Variants in AKAP19 observed in about 807,000 individuals in gnomAD.
AKAP19 encodes the protein A-kinase anchoring protein 19.
At chr2:189,975,921 G>T in the AKAP19 span, among the ~76,000 whole-genome samples, 1 of 152,036 alleles carries the variant, frequency 6.6e-6, no homozygotes, top group Non-Finnish European at 1.5e-5. Context: ...CTTTGTGTTG[G>T]GTTCAGACTT....
the AKAP19 span, among the ~76,000 whole-genome samples, chr2:189,957,381 G>T: frequency 6.6e-6 from 1 of 152,062 alleles, no homozygotes; most frequent in African/African-American, 2.4e-5. Context: ...TTGCAGATGT[G>T]TGCTTTGCAA....
the AKAP19 span, among the ~76,000 whole-genome samples, chr2:190,183,939 A>AT: frequency 2.0e-5 from 3 of 151,974 alleles, no homozygotes; most frequent in Non-Finnish European, 2.9e-5. Context: ...AGAATACGCT[A>AT]TCTATCCTTG....
the AKAP19 span, among the ~76,000 whole-genome samples, chr2:190,036,119 TAATA>T: frequency 4.8e-4 from 73 of 152,332 alleles, no homozygotes; most frequent in African/African-American, 1.7e-3. Flanking sequence ...TTTAAGTTAC[TAATA>T]AATCTTTGAT....
At chr2:190,057,256 T>G in the AKAP19 span, 2 of 1,613,066 alleles carry the variant, frequency 1.2e-6, no homozygotes, top group Non-Finnish European at 1.7e-6. Context: ...TTAATATAAA[T>G]CTCATGAGCA....
At chr2:190,031,299 C>T in the AKAP19 span, among the ~76,000 whole-genome samples, 36 of 152,236 alleles carry the variant, frequency 2.4e-4, no homozygotes, top group African/African-American at 8.7e-4. Context: ...TAAGCTAAAG[C>T]CTGATTGTGT....
chr2:189,926,127 A>G, the AKAP19 span, among the ~76,000 whole-genome samples: 1 of 152,214 alleles, frequency 6.6e-6, no homozygotes, highest in Non-Finnish European at 1.5e-5. Flanking sequence ...TTGATCACAT[A>G]TAAGCAAGAG....
chr2:190,102,859 C>G, the AKAP19 span, among the ~76,000 whole-genome samples: 1 of 152,092 alleles, frequency 6.6e-6, no homozygotes, highest in Non-Finnish European at 1.5e-5. Flanking sequence ...CAACATCACC[C>G]TGAAACCAAA....
At chr2:189,996,982 G>T in the AKAP19 span, among the ~76,000 whole-genome samples, 1 of 152,202 alleles carries the variant, frequency 6.6e-6, no homozygotes, top group South Asian at 2.1e-4. Context: ...ACCTGCACCT[G>T]CTCTGGTGGA....
the AKAP19 span, among the ~76,000 whole-genome samples, chr2:189,895,807 A>G: frequency 6.6e-6 from 1 of 152,054 alleles, no homozygotes; most frequent in Non-Finnish European, 1.5e-5. Flanking sequence ...GCTTAAGATG[A>G]ATCAGAATGA....
chr2:190,104,531 T>C, the AKAP19 span, among the ~76,000 whole-genome samples: 1 of 152,116 alleles, frequency 6.6e-6, no homozygotes, highest in South Asian at 2.1e-4. Flanking sequence ...TGTGTCACAT[T>C]TGTAATCCTA....
At chr2:190,098,690 G>GACTTCTCC in the AKAP19 span, among the ~76,000 whole-genome samples, 1 of 152,178 alleles carries the variant, frequency 6.6e-6, no homozygotes, top group African/African-American at 2.4e-5. Flanking sequence ...GCCAGGCATC[G>GACTTCTCC]ACTTCTCCTC....
chr2:190,199,761 A>G, the AKAP19 span: 7 of 1,534,800 alleles, frequency 4.6e-6, no homozygotes, highest in South Asian at 7.8e-5. Flanking sequence ...TGGAGAGGGA[A>G]AGCACTGGTC....
At chr2:190,184,670 C>T in the AKAP19 span, among the ~76,000 whole-genome samples, 3 of 152,046 alleles carry the variant, frequency 2.0e-5, no homozygotes, top group African/African-American at 7.2e-5. Flanking sequence ...CTTCCCCTAT[C>T]CTCAAAGATA....
the AKAP19 span, among the ~76,000 whole-genome samples, chr2:190,118,972 T>C: frequency 1.2e-3 from 183 of 152,326 alleles, 1 homozygote; most frequent in African/African-American, 4.3e-3. Context: ...GAAAACTCCA[T>C]TGTCTCAGCC....
chr2:190,011,037 A>G, the AKAP19 span, among the ~76,000 whole-genome samples: 2 of 133,260 alleles, frequency 1.5e-5, no homozygotes, highest in Non-Finnish European at 3.1e-5. Flanking sequence ...CCATTCTCTC[A>G]TTCTCTCTCT....
At chr2:189,932,697 C>T in the AKAP19 span, among the ~76,000 whole-genome samples, 4 of 142,798 alleles carry the variant, frequency 2.8e-5, no homozygotes, top group African/African-American at 1.2e-4. Flanking sequence ...CAGAGTGATA[C>T]CCTCTCTTTC....
At chr2:190,143,145 C>G in the AKAP19 span, among the ~76,000 whole-genome samples, 108 of 152,166 alleles carry the variant, frequency 7.1e-4, no homozygotes, top group Non-Finnish European at 1.2e-3. Flanking sequence ...TCCAGTCAGT[C>G]TTAGCCAGCT....
chr2:189,975,834 C>G, the AKAP19 span, among the ~76,000 whole-genome samples: 1 of 152,230 alleles, frequency 6.6e-6, no homozygotes, highest in Non-Finnish European at 1.5e-5. Context: ...TCAGCTCCAT[C>G]AGGTCATTTA....
the AKAP19 span, among the ~76,000 whole-genome samples, chr2:190,070,159 C>T: frequency 1.3e-5 from 2 of 152,102 alleles, no homozygotes; most frequent in African/African-American, 4.8e-5. Context: ...GGCTTGGCAA[C>T]TGAAAGATTC....
Sources: allele counts gnomAD v4.1 joint callset (sites outside exome capture counted in the v4.1 genomes callset), GRCh38; gene constraint gnomAD v4.1.1; transcripts MANE v1.5; gene names NCBI Gene and HGNC (gene_info 2026-07-23, HGNC 2026-07-21).